MLLT10: variants seen among roughly 807,000 people sequenced by gnomAD.
MLLT10 encodes protein AF-10.
Under a neutral mutation model 129.1 loss-of-function variants are expected in MLLT10, and 30 were observed. The ratio of observed to expected loss-of-function variants is 0.23; its 90% CI spans 0.17 to 0.32. MLLT10 has a LOEUF of 0.32. MLLT10 is among the 10% of genes least tolerant of loss of function. The pLI is 1.00. For synonymous variants in MLLT10, 490 were observed against 446.4 expected (o/e 1.10, Z -1.23); for missense variants, 1,119 against 1,268.3 (o/e 0.88, Z 1.79).
chr10:21,681,214 G>A, intron 11 of MLLT10, 118 bp from the exon 12 acceptor site: 1 of 1,256,682 alleles, frequency 8.0e-7, no homozygotes, highest in Non-Finnish European at 1.1e-6. Context: ...AGTTCTAGGT[G>A]GCCTACTTAA....
Position 21,730,779 on chromosome 10 carries a change from T to C in MLLT10, c.2064-121T>C, listed in dbSNP as rs1388380861. 10 of 936,456 alleles carry C rather than the reference T, an allele frequency of 1.1e-5. No individual in the cohort carries two copies. The African/African-American group carries it at 1.3e-4, about 13-fold the overall frequency. The allele number at this position is 936,456 out of a possible 1,614,324, so 58.0% of individuals were successfully genotyped here. On this transcript the variant is annotated intron_variant, in intron 16 of 22. Transcript: ENST00000307729. ...TCTAAATCCAGGAACCTGATACTTC[T>C]GGCATAGGCAGCCTGGTGTTATAAA... is the stretch of plus-strand genomic sequence containing the variant.
intron 4 of MLLT10, among the ~76,000 whole-genome samples, chr10:21,594,672 C>T (rs1196980220): frequency 3.3e-5 from 5 of 150,954 alleles, no homozygotes; most frequent in Non-Finnish European, 7.4e-5. Context: ...CATTCTTTTC[C>T]GGTTTTAGCC....
chr10:21,705,011 G>C (rs1400937629), intron 13 of MLLT10, among the ~76,000 whole-genome samples: 1 of 152,132 alleles, frequency 6.6e-6, no homozygotes, highest in African/African-American at 2.4e-5. Flanking sequence ...AGTGGGTCCA[G>C]GTAGGCTGAT....
chr10:21,552,644 G>A (rs768405088), intron 3 of MLLT10, among the ~76,000 whole-genome samples: 3 of 151,734 alleles, frequency 2.0e-5, no homozygotes, highest in East Asian at 1.9e-4. Context: ...CACCCGCCTC[G>A]GCCTCCCAAA....
At chr10:21,697,311 C>G (rs1436203577) in intron 13 of MLLT10, among the ~76,000 whole-genome samples, 1 of 151,760 alleles carries the variant, frequency 6.6e-6, no homozygotes, top group African/African-American at 2.4e-5. Flanking sequence ...ACTAAAAATA[C>G]AAAAATTAGC....
intron 9 of MLLT10, 131 bp from the exon 10 acceptor site, chr10:21,670,318 A>G (rs758753900): frequency 6.9e-5 from 54 of 787,706 alleles, no homozygotes; most frequent in Non-Finnish European, 8.9e-5. Flanking sequence ...TCTTAGGTGA[A>G]CTGACTTATT....
At chr10:21,557,946 TTCTTTTTTTTTTTTTTTTTTG>T (rs1387476408) in intron 3 of MLLT10, 1 of 148,214 alleles carries the variant, frequency 6.7e-6, no homozygotes, top group Non-Finnish European at 1.5e-5. Context: ...CTTTTTTTTT[TTCTTTTTTTTTTTTTTTTTTG>T]GAGACAGAGT....
chr10:21,740,179 A>T lies in MLLT10; in HGVS notation c.3105A>T (p.Thr1035=), dbSNP rs2058710007. Residue 1035 remains threonine, a synonymous_variant, in exon 22 of 23, where the codon ACA becomes ACT. Transcript: ENST00000307729. ...GTACACAGGCACCCCCACTTCACAC[A>T]GCTACCACCAACCCATTTCTCACCA... The part of the protein sequence containing the change: ...LAGTQAPPLH[T]ATTNPFLTIH... The T allele has an allele frequency of 6.2e-7, 1 of 1,614,066 alleles. No homozygotes were observed. The highest frequency in any genetic ancestry group is 1.1e-5 in the South Asian group (1 of 91,084).
intron 8 of MLLT10, among the ~76,000 whole-genome samples, chr10:21,620,810 C>G (rs1235491807): frequency 6.6e-6 from 1 of 151,982 alleles, no homozygotes; most frequent in Non-Finnish European, 1.5e-5. Context: ...TCTGCCTCAC[C>G]CTCCCGAATA....
chr10:21,552,012 G>A (rs1054285049), intron 3 of MLLT10: 4 of 246,228 alleles, frequency 1.6e-5, no homozygotes, highest in Non-Finnish European at 3.2e-5. Flanking sequence ...GGCTGGTCTC[G>A]AGCTTCTGAC....
chr10:21,614,107 A>G (rs191407942), intron 6 of MLLT10, among the ~76,000 whole-genome samples: 3 of 148,280 alleles, frequency 2.0e-5, no homozygotes, highest in East Asian at 4.0e-4. Context: ...AGTCCCAGCT[A>G]TTTGGGAGGC....
chr10:21,577,349 T>A (rs2040876447), intron 3 of MLLT10, among the ~76,000 whole-genome samples: 1 of 152,236 alleles, frequency 6.6e-6, no homozygotes, highest in South Asian at 2.1e-4. Flanking sequence ...TCCAGACATT[T>A]GTTTTGAATT....
Position 21,651,738 on chromosome 10 carries a change from G to A in MLLT10, c.765G>A (p.Leu255=), listed in dbSNP as rs1271449407. 1 of 1,612,994 alleles carries A rather than the reference G, an allele frequency of 6.2e-7. No homozygotes were observed. The highest frequency in any genetic ancestry group is 2.2e-5 in the East Asian group (1 of 44,832). The change falls in exon 9 of 23, where the codon TTG becomes TTA. Residue 255 remains leucine, a synonymous_variant. Coordinates refer to ENST00000307729, the MANE Select transcript of MLLT10 (RefSeq NM_001195626.3). ...HKKQPEPSPA[L]VPSLTVTTEK... is the part of the protein sequence containing the mutation. ...AGCAGCCAGAACCATCACCTGCATTGGTTCCATCCTTGACTGTTACTACAG... is the reference window on the plus strand; with the variant it reads ...AGCAGCCAGAACCATCACCTGCATTAGTTCCATCCTTGACTGTTACTACAG...
At chr10:21,631,607 A>G (rs1035721997) in intron 8 of MLLT10, among the ~76,000 whole-genome samples, 3 of 152,094 alleles carry the variant, frequency 2.0e-5, no homozygotes, top group African/African-American at 7.2e-5. Context: ...GAAACTTACA[A>G]TCATGTCAGA....
At chr10:21,671,490 A>G (rs1264604441) in intron 10 of MLLT10, among the ~76,000 whole-genome samples, 1 of 152,130 alleles carries the variant, frequency 6.6e-6, no homozygotes, top group Non-Finnish European at 1.5e-5. Context: ...AAAAATTTAA[A>G]AATTAGCTGG....
intron 5 of MLLT10, among the ~76,000 whole-genome samples, chr10:21,600,178 C>G (rs1201391032): frequency 6.6e-6 from 1 of 152,122 alleles, no homozygotes; most frequent in Non-Finnish European, 1.5e-5. Context: ...TGGCACCACA[C>G]ACACTATTTT....
intron 8 of MLLT10, among the ~76,000 whole-genome samples, chr10:21,642,030 C>G (rs1180563510): frequency 6.6e-6 from 1 of 152,296 alleles, no homozygotes; most frequent in East Asian, 1.9e-4. Flanking sequence ...GGGAATACCT[C>G]TTAAGAATGA....
chr10:21,613,206 A>AG (rs954627781), intron 6 of MLLT10, among the ~76,000 whole-genome samples: 32 of 151,572 alleles, frequency 2.1e-4, no homozygotes, highest in Non-Finnish European at 4.3e-4. Context: ...AAAAAAAAAA[A>AG]AAAAAAAAAA....
Position 21,588,259 on chromosome 10 carries a change from G to T in MLLT10, c.295+1911G>T, listed in dbSNP as rs373363779. 2.6e-5 allele frequency among the ~76,000 whole-genome samples: 4 copies of T among 152,146 alleles called. No homozygotes were observed. In the East Asian group the frequency reaches 5.8e-4, roughly 22 times the overall value. ...TTTTTATATTTTTAGTAGAGATGGGGTTTCACGATGTTGGCCAGGCTGGTG... is the reference window on the plus strand; with the variant it reads ...TTTTTATATTTTTAGTAGAGATGGGTTTTCACGATGTTGGCCAGGCTGGTG... On this transcript the variant is annotated intron_variant, in intron 4 of 22. Transcript: ENST00000307729.
Sources: allele counts gnomAD v4.1 joint callset (sites outside exome capture counted in the v4.1 genomes callset), GRCh38; gene constraint gnomAD v4.1.1; transcripts MANE v1.5; gene names NCBI Gene and HGNC (gene_info 2026-07-23, HGNC 2026-07-21).